The following RIMBP2 variants were observed in gnomAD, a reference collection of about 807,000 sequenced individuals.
The protein encoded by RIMBP2 is RIMS binding protein 2.
Under a neutral mutation model 118.6 loss-of-function variants are expected in RIMBP2, and 48 were observed. The observed-to-expected ratio is 0.40, with a 90% CI of 0.32 to 0.51. The LOEUF is 0.51. RIMBP2 is among the 20% of genes least tolerant of loss of function. The pLI is 0.41. For synonymous variants in RIMBP2, 762 were observed against 742.9 expected (o/e 1.03, Z -0.42); for missense variants, 1,551 against 1,768.3 (o/e 0.88, Z 2.20).
At position 130,683,745 on chromosome 12, in the gene RIMBP2, C is replaced by T. The variant is rs923590384; in HGVS notation, c.-352+32477G>A. On this transcript the variant is annotated intron_variant, in intron 1 of 22. Coordinates refer to ENST00000690449, the MANE Select transcript of RIMBP2 (RefSeq NM_001393629.1). The surrounding 1 kb of genome is among the most constrained non-coding windows in gnomAD (Gnocchi z 4.4). ...CACCAGCACTACGACAATTTACAAACGCCATGGCAATGTCAGGAAGTTACC... is the reference window on the plus strand; with the variant it reads ...CACCAGCACTACGACAATTTACAAATGCCATGGCAATGTCAGGAAGTTACC... Among the ~76,000 whole-genome samples the T allele has an allele frequency of 1.3e-5, 2 of 152,154 alleles. No individual in the cohort carries two copies. The highest frequency in any genetic ancestry group is 2.4e-5 in the African/African-American group (1 of 41,444).
At chr12:130,681,533 AT>A (rs10708660) in intron 1 of RIMBP2, among the ~76,000 whole-genome samples, 41,095 of 151,490 alleles carry the variant, frequency 0.27, 5,935 homozygotes, top group South Asian at 0.36. Context: ...CTTTTTGTTG[AT>A]TTTTTTTAAA....
intron 2 of RIMBP2, among the ~76,000 whole-genome samples, chr12:130,537,274 T>A (rs2054162756): frequency 6.6e-6 from 1 of 152,244 alleles, no homozygotes; most frequent in South Asian, 2.1e-4. Context: ...TAGTTTTGCT[T>A]ATTGGCTTTA....
chr12:130,646,049 AC>A lies in RIMBP2; in HGVS notation c.-351-17594del, dbSNP rs1566421712. 9.9e-4 allele frequency among the ~76,000 whole-genome samples: 128 copies of A among 129,202 alleles called. 4 individuals are homozygous for A. Among genetic ancestry groups the A allele is most frequent in the Admixed American group, 3.9e-3 (49 of 12,574 alleles). 84.8% of individuals were successfully genotyped at this position (129,202 alleles called of 152,430 possible). ...TGGTGCGGCAGCCAGTTCCCTCTCC[AC>A]CTCCCTCACCACCTGCCTCTCCACC... On this transcript the variant is annotated intron_variant, in intron 1 of 22. Coordinates refer to ENST00000690449, the MANE Select transcript of RIMBP2 (RefSeq NM_001393629.1).
chr12:130,698,913 G>A (rs1432511446), intron 1 of RIMBP2, among the ~76,000 whole-genome samples: 1 of 152,084 alleles, frequency 6.6e-6, no homozygotes, highest in African/African-American at 2.4e-5. Context: ...ATCAAAAAGT[G>A]GGTGAAGGAC....
chr12:130,706,135 AC>A (rs2066106743), intron 1 of RIMBP2, among the ~76,000 whole-genome samples: 1 of 152,144 alleles, frequency 6.6e-6, no homozygotes, highest in African/African-American at 2.4e-5. Context: ...TGTTTGTTGA[AC>A]CCTCACACTA....
chr12:130,441,489 G>A (rs953501773), intron 11 of RIMBP2, among the ~76,000 whole-genome samples: 1 of 151,358 alleles, frequency 6.6e-6, no homozygotes, highest in African/African-American at 2.4e-5. Context: ...TGAAAGGCAC[G>A]TAAGCACTTC....
Position 130,428,272 on chromosome 12 carries a change from G to A in RIMBP2, c.2319C>T (p.Ile773=). ...ACAGCTCCTCCTCGTCCTCCTCCAT[G>A]ATGTCTGAGAGGTCAGACCCCCGGC... ...ESSRGSDLSD[I]MEEDEEELYS... The change falls in exon 15 of 23, where the codon ATC becomes ATT. Residue 773 remains isoleucine, a synonymous_variant. Coordinates refer to ENST00000690449, the MANE Select transcript of RIMBP2 (RefSeq NM_001393629.1). 1 of 1,613,528 alleles carries A rather than the reference G, an allele frequency of 6.2e-7. No individual in the cohort carries two copies. Among genetic ancestry groups the A allele is most frequent in the Non-Finnish European group, 8.5e-7 (1 of 1,179,746 alleles).
chr12:130,646,046 T>G (rs144468536), intron 1 of RIMBP2, among the ~76,000 whole-genome samples: 6 of 111,618 alleles, frequency 5.4e-5, no homozygotes, highest in East Asian at 5.0e-4. Flanking sequence ...CAGTTCCCTC[T>G]CCACCTCCCT....
chr12:130,669,604 C>T (rs1031502487), intron 1 of RIMBP2, among the ~76,000 whole-genome samples: 13 of 152,142 alleles, frequency 8.5e-5, no homozygotes, highest in Admixed American at 2.6e-4. Flanking sequence ...CTTCACCTTC[C>T]GCCATGGTTG....
intron 1 of RIMBP2, among the ~76,000 whole-genome samples, chr12:130,656,210 G>T (rs2063421681): frequency 6.6e-6 from 1 of 152,174 alleles, no homozygotes; most frequent in African/African-American, 2.4e-5. Flanking sequence ...GTTCTTAAAG[G>T]GGTTGGGGGA....
chr12:130,646,131 C>T (rs12826185), intron 1 of RIMBP2, among the ~76,000 whole-genome samples: 7,530 of 62,950 alleles, frequency 0.12, 1,339 homozygotes, highest in Non-Finnish European at 0.18. Context: ...ACCTGCCTCT[C>T]CACCTCCCTC....
At chr12:130,687,978 C>T (rs920307605) in intron 1 of RIMBP2, among the ~76,000 whole-genome samples, 23 of 152,274 alleles carry the variant, frequency 1.5e-4, no homozygotes, top group African/African-American at 5.1e-4. Context: ...ATTATTACCA[C>T]GAGAGACAGT....
At chr12:130,542,301 T>C (rs1356862828) in intron 2 of RIMBP2, among the ~76,000 whole-genome samples, 1 of 151,520 alleles carries the variant, frequency 6.6e-6, no homozygotes, top group African/African-American at 2.4e-5. Context: ...ACTGCAGTCT[T>C]GTAGGGAAGA....
chr12:130,449,388 C>T (rs760333629), intron 9 of RIMBP2, among the ~76,000 whole-genome samples: 26 of 152,224 alleles, frequency 1.7e-4, no homozygotes, highest in African/African-American at 2.4e-4. Context: ...GAGAGGTGTG[C>T]GGGACAAAAC....
chr12:130,643,232 TCA>T (rs1248313982), intron 1 of RIMBP2, among the ~76,000 whole-genome samples: 2 of 152,050 alleles, frequency 1.3e-5, no homozygotes, highest in African/African-American at 2.4e-5. Flanking sequence ...CGCAGGGAGC[TCA>T]CACTCGCCCT....
chr12:130,540,145 T>C (rs1313766648), intron 2 of RIMBP2, among the ~76,000 whole-genome samples: 1 of 152,086 alleles, frequency 6.6e-6, no homozygotes, highest in Non-Finnish European at 1.5e-5. Context: ...GAACTTGGGT[T>C]TTGATCAAAA....
At chr12:130,602,051 T>C (rs545792642) in intron 2 of RIMBP2, among the ~76,000 whole-genome samples, 2 of 152,268 alleles carry the variant, frequency 1.3e-5, no homozygotes, top group South Asian at 4.1e-4. Context: ...GTAATCCCAA[T>C]ACTTTCAGAG....
intron 19 of RIMBP2, 118 bp from the exon 20 acceptor site, chr12:130,407,947 G>T: frequency 5.9e-6 from 5 of 844,780 alleles, no homozygotes; most frequent in Non-Finnish European, 1.0e-5. Context: ...CTGCTAACAG[G>T]GCCACGTGCT....
intron 1 of RIMBP2, among the ~76,000 whole-genome samples, chr12:130,635,414 T>C (rs2062292143): frequency 6.6e-6 from 1 of 152,200 alleles, no homozygotes; most frequent in Non-Finnish European, 1.5e-5. Context: ...TTCCCATATG[T>C]AGCAGTGAGG....
Sources: gnomAD v4.1 joint callset for allele counts (sites outside exome capture counted in the v4.1 genomes callset) on GRCh38, gnomAD v4.1.1 for gene constraint, Gnocchi (gnomAD v3.1) non-coding constraint, MANE v1.5 for transcripts, NCBI Gene and HGNC (gene_info 2026-07-23, HGNC 2026-07-21) for gene names.